Variants in ADGRG3 observed in about 807,000 individuals in gnomAD.
ADGRG3 encodes the protein adhesion G protein-coupled receptor G3.
Under a neutral mutation model 54.3 loss-of-function variants are expected in ADGRG3, and 39 were observed. That is an observed-to-expected ratio of 0.72 (90% CI 0.56 to 0.94). The LOEUF is 0.94. ADGRG3 is among the 40% of genes least tolerant of loss of function. The pLI, the probability that ADGRG3 is intolerant of heterozygous loss-of-function variation, is 0.00. For synonymous variants in ADGRG3, 312 were observed against 290.0 expected, an observed-to-expected ratio of 1.08 and a Z score of -0.77; for missense variants, 654 against 694.6, an observed-to-expected ratio of 0.94 and a Z score of 0.66.
chr16:57,677,792 G>C (rs2048290044), intron 3 of ADGRG3, among the ~76,000 whole-genome samples: 1 of 152,154 alleles, frequency 6.6e-6, no homozygotes, highest in African/African-American at 2.4e-5. Context: ...TGAGTCAGAA[G>C]CCAGACACTG....
At chr16:57,671,075 CTTCAGAG>C (rs199595512) in intron 1 of ADGRG3, among the ~76,000 whole-genome samples, 2,605 of 152,186 alleles carry the variant, frequency 0.017, 70 homozygotes, top group African/African-American at 0.058. Flanking sequence ...CAACAAAGCA[CTTCAGAG>C]TAAAAGACAT....
chr16:57,674,149 A>T lies in ADGRG3; in HGVS notation c.206+681A>T, dbSNP rs192779457. 2.6e-5 allele frequency among the ~76,000 whole-genome samples: 4 copies of T among 152,208 alleles called. No homozygotes were observed. In the East Asian group the frequency reaches 7.7e-4, roughly 29 times the overall value. Reference sequence around the variant, plus strand: ...ATTGCTCAGGCTTCAGGGACCGGTGATGCAGGAAGACATGACCCAGTAGGA... The same window carrying T: ...ATTGCTCAGGCTTCAGGGACCGGTGTTGCAGGAAGACATGACCCAGTAGGA... On this transcript the variant is annotated intron_variant, in intron 2 of 11. Transcript: ENST00000333493.
At chr16:57,668,438 C>G (rs377136290) in intron 1 of ADGRG3, 33 bp downstream of exon 1, 2 of 1,540,598 alleles carry the variant, frequency 1.3e-6, no homozygotes, top group Admixed American at 1.9e-5. Flanking sequence ...CCTCCTGCCA[C>G]GCTGGGCCGA....
At chr16:57,672,897 G>C (rs1242598100) in intron 1 of ADGRG3, among the ~76,000 whole-genome samples, 1 of 152,140 alleles carries the variant, frequency 6.6e-6, no homozygotes, top group African/African-American at 2.4e-5. Context: ...TGTGAATGTG[G>C]GAGAATGAGG....
In ADGRG3 at chr16:57,668,861, G is replaced by A. The variant is rs538359214; in HGVS notation, c.58+456G>A. ...CTTCTGGACCTCTCCTCCCGCACAT[G>A]TCACCCCACACCGGCTCCCTCTCCC... On this transcript the variant is annotated intron_variant, in intron 1 of 11. Coordinates refer to ENST00000333493, the MANE Select transcript of ADGRG3 (RefSeq NM_170776.5). Among the ~76,000 whole-genome samples the A allele has an allele frequency of 2.0e-5, 3 of 152,248 alleles. No individual in the cohort carries two copies. In the South Asian group the frequency reaches 6.2e-4, roughly 32 times the overall value.
At chr16:57,682,032 G>A (rs1303037440) in intron 8 of ADGRG3, among the ~76,000 whole-genome samples, 3 of 152,262 alleles carry the variant, frequency 2.0e-5, no homozygotes, top group Non-Finnish European at 4.4e-5. Context: ...ACACAGATTG[G>A]CCGGCCAGGC....
At chr16:57,686,219 T>G (rs1042134805) in intron 11 of ADGRG3, among the ~76,000 whole-genome samples, 3 of 152,208 alleles carry the variant, frequency 2.0e-5, no homozygotes, top group Admixed American at 1.3e-4. Context: ...ACAACACCAG[T>G]ATCTGCTCCT....
rs747521397 is a variant in ADGRG3, at chr16:57,679,200, T to G, written c.516T>G (p.Asp172Glu). Residue 172 changes from aspartate to glutamate, a missense_variant, in exon 5 of 12, where the codon GAT (aspartate) becomes GAG (glutamate). By Grantham distance (45) the Asp-to-Glu change is conservative. Transcript: ENST00000333493. ...AGGGCCCCCGGCTCGGCCTGGGAGA[T>G]GGCAGCGGCGTGTTGAACAATCGCC... The part of the protein sequence containing the change: ...LFKGPRLGLG[D>E]GSGVLNNRLV... The G allele has an allele frequency of 1.2e-6, 2 of 1,613,914 alleles. No homozygotes were observed. The highest frequency in any genetic ancestry group is 1.7e-6 in the Non-Finnish European group (2 of 1,179,906).
intron 9 of ADGRG3, 35 bp from the exon 10 acceptor site, chr16:57,684,345 GCCAGTAAGCC>G: frequency 6.3e-7 from 1 of 1,577,792 alleles, no homozygotes; most frequent in Non-Finnish European, 8.7e-7. Context: ...AGGAGGAAGT[GCCAGTAAGCC>G]CCAGTGGTGT....
chr16:57,685,974 G>T, intron 11 of ADGRG3, 48 bp downstream of exon 11: 1 of 1,564,714 alleles, frequency 6.4e-7, no homozygotes. Flanking sequence ...GTCTGTCCCA[G>T]GAGGTATTGG....
intron 11 of ADGRG3, among the ~76,000 whole-genome samples, chr16:57,687,954 T>C (rs796936885): frequency 6.6e-6 from 1 of 152,336 alleles, no homozygotes; most frequent in African/African-American, 2.4e-5. Flanking sequence ...CCTTGAAACA[T>C]AGAGTTTTTC....
At chr16:57,667,729 G>A (rs1279570308), upstream of ADGRG3, among the ~76,000 whole-genome samples, 1 of 152,172 alleles carries the variant, frequency 6.6e-6, no homozygotes, top group African/African-American at 2.4e-5. Context: ...CAGGCTGGTG[G>A]GGGAAGCTCA....
At chr16:57,686,078 C>T in intron 11 of ADGRG3, 152 bp downstream of exon 11, 1 of 787,900 alleles carries the variant, frequency 1.3e-6, no homozygotes. Context: ...AGCAAGGATC[C>T]AGGGCAGCAA....
intron 8 of ADGRG3, among the ~76,000 whole-genome samples, chr16:57,682,132 G>A (rs1343260068): frequency 2.0e-5 from 3 of 152,226 alleles, no homozygotes; most frequent in Non-Finnish European, 4.4e-5. Context: ...GGAAACCTGG[G>A]GCTGTGTCCA....
At chr16:57,679,040 G>T in intron 4 of ADGRG3, 137 bp from the exon 5 acceptor site, 2 of 1,001,736 alleles carry the variant, frequency 2.0e-6, no homozygotes, top group Non-Finnish European at 2.9e-6. Flanking sequence ...TGACTCCTTG[G>T]CTCCCTGGTC....
chr16:57,673,929 T>C (rs1286314392), intron 2 of ADGRG3, among the ~76,000 whole-genome samples: 1 of 152,192 alleles, frequency 6.6e-6, no homozygotes, highest in Non-Finnish European at 1.5e-5. Flanking sequence ...TGCAATGCTT[T>C]GAACTGTAAC....
intron 4 of ADGRG3, 77 bp from the exon 5 acceptor site, chr16:57,679,100 G>T: frequency 6.5e-7 from 1 of 1,547,316 alleles, no homozygotes; most frequent in Non-Finnish European, 8.8e-7. Context: ...GTTCCTGGAG[G>T]CTCCTAGGAA....
rs112981453 is a variant in ADGRG3 at position 57,674,675 on chromosome 16, A to G, written c.206+1207A>G. 3.0e-3 allele frequency: 1,249 copies of G among 411,562 alleles called. 13 individuals are homozygous for G. The highest frequency in any genetic ancestry group is 0.024 in the African/African-American group (1,137 of 48,190). The allele number at this position is 411,562 out of a possible 1,614,324, so 25.5% of individuals were successfully genotyped here. The stretch of plus-strand genomic sequence containing the variant: ...GTATATGCCCAAAAGAATTTAAAAC[A>G]AGTCTCCAAACAAAAGCTTATACAT... On this transcript the variant is annotated intron_variant, in intron 2 of 11. Coordinates refer to ENST00000333493, the MANE Select transcript of ADGRG3 (RefSeq NM_170776.5).
intron 4 of ADGRG3, 74 bp from the exon 5 acceptor site, chr16:57,679,103 C>T: frequency 1.3e-6 from 2 of 1,572,074 alleles, no homozygotes; most frequent in Non-Finnish European, 1.7e-6. Flanking sequence ...CCTGGAGGCT[C>T]CTAGGAACCC....
Sources: gnomAD v4.1 joint callset for allele counts (sites outside exome capture counted in the v4.1 genomes callset) on GRCh38, gnomAD v4.1.1 for gene constraint, MANE v1.5 for transcripts, NCBI Gene and HGNC (gene_info 2026-07-23, HGNC 2026-07-21) for gene names.